Variants in LRCH1 observed in about 807,000 individuals in gnomAD.
LRCH1 encodes the protein leucine rich repeats and calponin homology domain containing 1, also known as leucine-rich repeat and calponin homology domain-containing protein 1.
In LRCH1, 23 loss-of-function variants were observed where a neutral mutation model predicts 94.9. The ratio of observed to expected loss-of-function variants is 0.24; its 90% CI spans 0.17 to 0.34. LRCH1 has a LOEUF of 0.34. LRCH1 is among the 10% of genes least tolerant of loss of function. LRCH1 has a pLI of 1.00. For synonymous variants in LRCH1, 364 were observed against 354.9 expected, an observed-to-expected ratio of 1.03 and a Z score of -0.29; for missense variants, 790 against 945.9, an observed-to-expected ratio of 0.84 and a Z score of 2.16.
chr13:46,595,246 G>C (rs757883954), intron 1 of LRCH1, among the ~76,000 whole-genome samples: 8 of 152,064 alleles, frequency 5.3e-5, no homozygotes, highest in Non-Finnish European at 1.2e-4. Context: ...GGTGAACTTA[G>C]AGGATGCATA....
chr13:46,571,406 A>G (rs1896096410), intron 1 of LRCH1, among the ~76,000 whole-genome samples: 1 of 152,206 alleles, frequency 6.6e-6, no homozygotes. Context: ...CAGAGATTCA[A>G]GTGGCGACGA....
chr13:46,689,325 G>A (rs1273943233), intron 7 of LRCH1, 129 bp downstream of exon 7: 13 of 626,774 alleles, frequency 2.1e-5, no homozygotes, highest in Non-Finnish European at 3.6e-5. Context: ...AAAGTGATTT[G>A]TATATTCATG....
chr13:46,629,720 C>G (rs759105180), intron 1 of LRCH1, among the ~76,000 whole-genome samples: 9 of 152,200 alleles, frequency 5.9e-5, no homozygotes, highest in Admixed American at 6.5e-5. Context: ...GCCAGCAATG[C>G]AGGTTGCTAT....
intron 4 of LRCH1, among the ~76,000 whole-genome samples, chr13:46,684,174 C>T (rs1036955903): frequency 2.6e-5 from 4 of 151,898 alleles, no homozygotes; most frequent in African/African-American, 7.3e-5. Flanking sequence ...CATTGCCTCT[C>T]TTAGCAGTGG....
Position 46,729,000 on chromosome 13 carries a change from G to C in LRCH1, c.2007+16G>C, listed in dbSNP as rs1872969506. On this transcript the variant is annotated intron_variant, in intron 18 of 19. Transcript: ENST00000389797. ...ACCAGCGGTTGTAAGTAACACCAAA[G>C]GGAAACTAACTGACATAAAACAGAC... 3 of 1,609,118 alleles carry C rather than the reference G, an allele frequency of 1.9e-6. No individual in the cohort carries two copies. Among genetic ancestry groups the C allele is most frequent in the Admixed American group, 1.7e-5 (1 of 59,736 alleles).
intron 1 of LRCH1, among the ~76,000 whole-genome samples, chr13:46,634,444 C>T (rs2051058251): frequency 6.6e-6 from 1 of 152,194 alleles, no homozygotes; most frequent in African/African-American, 2.4e-5. Flanking sequence ...GGCCATCAAT[C>T]CCATGTGCCT....
chr13:46,642,455 G>A (rs1005087760), intron 1 of LRCH1, among the ~76,000 whole-genome samples: 1 of 152,174 alleles, frequency 6.6e-6, no homozygotes, highest in Admixed American at 6.5e-5. Flanking sequence ...ATTGGGAATT[G>A]TAACAGCACC....
intron 1 of LRCH1, among the ~76,000 whole-genome samples, chr13:46,574,444 A>G (rs2050278832): frequency 6.6e-6 from 1 of 152,228 alleles, no homozygotes; most frequent in African/African-American, 2.4e-5. Flanking sequence ...CTAGAGATCT[A>G]TAATAACCAA....
chr13:46,565,812 A>AAATAATAATAATAATAAT (rs3068690), intron 1 of LRCH1, among the ~76,000 whole-genome samples: 19 of 140,138 alleles, frequency 1.4e-4, no homozygotes, highest in South Asian at 4.7e-4. Flanking sequence ...TCTGTCTCCA[A>AAATAATAATAATAATAAT]AATAATAATA....
At chr13:46,600,654 C>CACACACACACAG (rs138619869) in intron 1 of LRCH1, among the ~76,000 whole-genome samples, 64 of 151,268 alleles carry the variant, frequency 4.2e-4, no homozygotes, top group South Asian at 4.2e-4. Flanking sequence ...CACACACACA[C>CACACACACACAG]AGAACCTGAA....
At chr13:46,607,644 CTTCT>C (rs964519140) in intron 1 of LRCH1, among the ~76,000 whole-genome samples, 1 of 150,356 alleles carries the variant, frequency 6.7e-6, no homozygotes, top group African/African-American at 2.5e-5. Flanking sequence ...CTTCCTTCTT[CTTCT>C]TTTTTTTTTT....
intron 1 of LRCH1, among the ~76,000 whole-genome samples, chr13:46,642,924 C>T (rs1451142380): frequency 2.0e-5 from 3 of 150,954 alleles, no homozygotes; most frequent in Non-Finnish European, 4.4e-5. Flanking sequence ...TTAAAAAAAA[C>T]TCTCCGAGTG....
chr13:46,593,534 C>T (rs976543289), intron 1 of LRCH1, among the ~76,000 whole-genome samples: 3 of 152,154 alleles, frequency 2.0e-5, no homozygotes, highest in African/African-American at 7.2e-5. Context: ...CACGATCTGA[C>T]GTGATCTGAA....
At chr13:46,574,094 G>A (rs1009308652) in intron 1 of LRCH1, among the ~76,000 whole-genome samples, 1 of 151,288 alleles carries the variant, frequency 6.6e-6, no homozygotes, top group East Asian at 1.9e-4. Context: ...CAGGTGATCC[G>A]CCTGCCTCGG....
intron 17 of LRCH1, among the ~76,000 whole-genome samples, chr13:46,723,692 C>T (rs989965745): frequency 6.6e-6 from 1 of 151,878 alleles, no homozygotes; most frequent in Non-Finnish European, 1.5e-5. Flanking sequence ...CCCAGCTACT[C>T]GGGAGGCTGA....
chr13:46,676,000 C>A (rs1483153340), intron 3 of LRCH1, among the ~76,000 whole-genome samples: 1 of 152,170 alleles, frequency 6.6e-6, no homozygotes, highest in African/African-American at 2.4e-5. Flanking sequence ...GAGTTCTGGC[C>A]GGGTGCGGTG....
In LRCH1 at chr13:46,741,810, G is replaced by C. The variant is rs147495779; in HGVS notation, c.2254G>C (p.Val752Leu). ...TGTCCATATTCTCTTTATAGTGCTG[G>C]TCTATATCACTTACCACTGGAATGC... ...CLVHILFIVL[V>L]YITYHWNALS... Residue 752 changes from valine (V) to leucine (L), a missense_variant, in exon 20 of 20, where the codon GTC (valine) becomes CTC (leucine). Val to Leu is a conservative substitution (Grantham distance 32). This residue lies in a region of LRCH1 where 460 missense variants were observed against 508.9 expected (regional missense o/e 0.90). Coordinates refer to ENST00000389797, the MANE Select transcript of LRCH1 (RefSeq NM_001164211.2). The C allele has an allele frequency of 6.2e-7, 1 of 1,614,138 alleles. No individual in the cohort carries two copies. Among genetic ancestry groups the C allele is most frequent in the Admixed American group, 1.7e-5 (1 of 60,022 alleles).
chr13:46,558,078 G>T (rs1341188622), intron 1 of LRCH1, among the ~76,000 whole-genome samples: 2 of 151,978 alleles, frequency 1.3e-5, no homozygotes, highest in African/African-American at 2.4e-5. Context: ...AGACTATGTG[G>T]GAAACAAAGA....
At chr13:46,582,163 A>AG (rs974780751) in intron 1 of LRCH1, among the ~76,000 whole-genome samples, 11 of 151,086 alleles carry the variant, frequency 7.3e-5, no homozygotes, top group East Asian at 3.9e-4. Context: ...AAAAAAAAAA[A>AG]AAAGAAAGAA....
Sources: allele counts gnomAD v4.1 joint callset (sites outside exome capture counted in the v4.1 genomes callset), GRCh38; gene constraint gnomAD v4.1.1; regional missense constraint gnomAD v4.1.1; transcripts MANE v1.5; gene names NCBI Gene and HGNC (gene_info 2026-07-23, HGNC 2026-07-21).